Variants in DLG2 observed in about 807,000 individuals in gnomAD.
The protein encoded by DLG2 is discs large MAGUK scaffold protein 2.
DLG2 carries 45 observed loss-of-function variants against 132.5 expected under a neutral mutation model. The ratio of observed to expected loss-of-function variants is 0.34; its 90% CI spans 0.27 to 0.44. The LOEUF is 0.44. Ranked by LOEUF, DLG2 falls within the 20% of genes least tolerant of loss-of-function variation. DLG2 has a pLI of 1.00. For missense variants in DLG2, 1,045 were observed against 1,196.9 expected (o/e 0.87, Z 1.87); for synonymous variants, 424 against 419.6 (o/e 1.01, Z -0.13).
intron 21 of DLG2, among the ~76,000 whole-genome samples, chr11:83,532,291 A>T (rs181360550): frequency 5.2e-4 from 79 of 152,238 alleles, no homozygotes; most frequent in African/African-American, 1.8e-3. Flanking sequence ...TAGATAATCC[A>T]TGTTTCTATG....
chr11:84,858,844 A>C (rs1275248794), intron 6 of DLG2, among the ~76,000 whole-genome samples: 1 of 152,080 alleles, frequency 6.6e-6, no homozygotes, highest in African/African-American at 2.4e-5. Flanking sequence ...AAACAAAAAG[A>C]AACAATTAGT....
chr11:84,980,553 GA>G (rs1252776296), intron 6 of DLG2, among the ~76,000 whole-genome samples: 2 of 152,044 alleles, frequency 1.3e-5, no homozygotes, highest in East Asian at 3.9e-4. Flanking sequence ...CTGGAACTAG[GA>G]CCTTCCTAGA....
intron 3 of DLG2, among the ~76,000 whole-genome samples, chr11:85,438,781 T>C (rs1460406157): frequency 6.6e-6 from 1 of 152,200 alleles, no homozygotes; most frequent in Non-Finnish European, 1.5e-5. Context: ...GTCAAGATAC[T>C]GAACAGCTGA....
At chr11:84,752,584 A>C (rs1052067675) in intron 6 of DLG2, among the ~76,000 whole-genome samples, 5 of 114,254 alleles carry the variant, frequency 4.4e-5, no homozygotes, top group South Asian at 2.7e-4. Flanking sequence ...TTTTTTTATT[A>C]TACTTTAAGT....
chr11:83,946,454 G>A (rs954208729), intron 14 of DLG2, among the ~76,000 whole-genome samples: 4 of 152,132 alleles, frequency 2.6e-5, no homozygotes, highest in Admixed American at 6.5e-5. Flanking sequence ...TCTGGCATGG[G>A]GCTAAGGACT....
At chr11:85,609,768 C>T (rs183408213) in intron 2 of DLG2, among the ~76,000 whole-genome samples, 2 of 152,320 alleles carry the variant, frequency 1.3e-5, no homozygotes, top group African/African-American at 4.8e-5. Context: ...AGGAAATTGA[C>T]TTCCTCCTGG....
chr11:85,192,725 T>G (rs1305819994), intron 4 of DLG2, among the ~76,000 whole-genome samples: 1 of 152,214 alleles, frequency 6.6e-6, no homozygotes, highest in Non-Finnish European at 1.5e-5. Flanking sequence ...TTCTCTCAGA[T>G]TCATTGTCCC....
intron 6 of DLG2, among the ~76,000 whole-genome samples, chr11:84,786,093 A>G (rs959721279): frequency 3.9e-5 from 6 of 152,172 alleles, no homozygotes; most frequent in African/African-American, 1.4e-4. Context: ...AAACTAGGAA[A>G]TATTCTTAAA....
rs1358956852 is a variant in DLG2, at chr11:83,456,957, G to A, written c.*2861C>T. 1 of 152,678 alleles carries A rather than the reference G, an allele frequency of 6.5e-6. No individual in the cohort carries two copies. Among genetic ancestry groups the A allele is most frequent in the Non-Finnish European group, 1.5e-5 (1 of 68,046 alleles). 9.5% of individuals were successfully genotyped at this position (152,678 alleles called of 1,614,324 possible). On this transcript the variant is annotated 3_prime_UTR_variant, in exon 28 of 28. Coordinates refer to ENST00000376104, the MANE Select transcript of DLG2 (RefSeq NM_001142699.3). ...AAATAAATGGCCGACAATTCTGTGG[G>A]AGGAGAGCAAAAAACAAATGCCTCT...
In DLG2 at chr11:84,979,925, C is replaced by T. The variant is rs147592792; in HGVS notation, c.357+131736G>A. Reference sequence around the variant, plus strand: ...CAGAGATCCTCATTCCCAATCCCTGCCTATGTTTCCCTATCTAGCAATGCC... The same window carrying T: ...CAGAGATCCTCATTCCCAATCCCTGTCTATGTTTCCCTATCTAGCAATGCC... On this transcript the variant is annotated intron_variant, in intron 6 of 27. Coordinates refer to ENST00000376104, the MANE Select transcript of DLG2 (RefSeq NM_001142699.3). Among the ~76,000 whole-genome samples the T allele has an allele frequency of 3.9e-4, 60 of 152,068 alleles. 2 individuals are homozygous for T. The highest frequency in any genetic ancestry group is 1.3e-3 in the African/African-American group (54 of 41,504).
intron 6 of DLG2, among the ~76,000 whole-genome samples, chr11:84,607,042 A>AG: frequency 6.6e-6 from 1 of 152,266 alleles, no homozygotes; most frequent in East Asian, 1.9e-4. Context: ...CATCAAGAGC[A>AG]GGGGGCCATA....
At chr11:85,255,296 T>C (rs2076612938) in intron 4 of DLG2, among the ~76,000 whole-genome samples, 1 of 152,184 alleles carries the variant, frequency 6.6e-6, no homozygotes, top group East Asian at 1.9e-4. Context: ...GTTTTAATTT[T>C]ACCTTGATAT....
chr11:84,139,451 C>A (rs534519618), intron 9 of DLG2, among the ~76,000 whole-genome samples: 2 of 152,080 alleles, frequency 1.3e-5, no homozygotes, highest in East Asian at 1.9e-4. Context: ...AAGAGATTGA[C>A]GCTGGTTTCT....
chr11:84,240,546 A>G (rs542937830), intron 8 of DLG2, among the ~76,000 whole-genome samples: 1 of 152,304 alleles, frequency 6.6e-6, no homozygotes, highest in Admixed American at 6.5e-5. Context: ...ACAATCTCCC[A>G]TGATTGAAAT....
chr11:83,484,755 A>G (rs1482787921), intron 21 of DLG2, among the ~76,000 whole-genome samples: 1 of 145,496 alleles, frequency 6.9e-6, no homozygotes, highest in Admixed American at 6.7e-5. Flanking sequence ...GTCTTTTAAA[A>G]TAATTTGAAT....
At chr11:85,201,049 C>T (rs374125012) in intron 4 of DLG2, among the ~76,000 whole-genome samples, 4 of 152,070 alleles carry the variant, frequency 2.6e-5, no homozygotes, top group African/African-American at 9.6e-5. Context: ...CCCAGTGTAG[C>T]CCAGTCTCAG....
At chr11:84,929,656 G>A (rs2047869404) in intron 6 of DLG2, among the ~76,000 whole-genome samples, 1 of 152,026 alleles carries the variant, frequency 6.6e-6, no homozygotes, top group Admixed American at 6.6e-5. Context: ...ATATCAGAAC[G>A]GAATTTCTTA....
At chr11:84,149,265 T>C (rs561111246) in intron 9 of DLG2, among the ~76,000 whole-genome samples, 105 of 152,310 alleles carry the variant, frequency 6.9e-4, no homozygotes, top group Non-Finnish European at 1.2e-3. Flanking sequence ...CGATTCCTTT[T>C]GAGGATTTTG....
At chr11:84,023,968 T>A (rs985607653) in intron 11 of DLG2, among the ~76,000 whole-genome samples, 2 of 152,160 alleles carry the variant, frequency 1.3e-5, no homozygotes, top group Non-Finnish European at 2.9e-5. Context: ...ATATCGTATA[T>A]AATACATATA....
Sources: gnomAD v4.1 joint callset for allele counts (sites outside exome capture counted in the v4.1 genomes callset) on GRCh38, gnomAD v4.1.1 for gene constraint, MANE v1.5 for transcripts, NCBI Gene and HGNC (gene_info 2026-07-23, HGNC 2026-07-21) for gene names.